LRRC4C: variants seen among roughly 807,000 people sequenced by gnomAD.
LRRC4C encodes the protein leucine rich repeat containing 4C.
LRRC4C carries 5 observed loss-of-function variants against 33.6 expected under a neutral mutation model. The observed-to-expected ratio is 0.15, with a 90% CI of 0.08 to 0.31. The LOEUF is 0.31. Among genes scored for constraint, LRRC4C ranks in the 10% least tolerant of loss-of-function variants. LRRC4C has a pLI of 1.00. For synonymous variants in LRRC4C, 329 were observed against 302.0 expected, an observed-to-expected ratio of 1.09 and a Z score of -0.93; for missense variants, 560 against 796.7, an observed-to-expected ratio of 0.70 and a Z score of 3.58.
chr11:40,637,899 C>G (rs1388869991), intron 3 of LRRC4C, among the ~76,000 whole-genome samples: 2 of 152,186 alleles, frequency 1.3e-5, no homozygotes, highest in African/African-American at 4.8e-5. Context: ...CTCCTTAATT[C>G]TAGGACTGGC....
chr11:41,422,702 C>T (rs1441628751), intron 1 of LRRC4C, among the ~76,000 whole-genome samples: 1 of 152,010 alleles, frequency 6.6e-6, no homozygotes, highest in Non-Finnish European at 1.5e-5. Flanking sequence ...TCTAAAACAT[C>T]TTAAGCAACA....
At chr11:40,327,381 C>T (rs766217008) in intron 3 of LRRC4C, among the ~76,000 whole-genome samples, 8 of 152,112 alleles carry the variant, frequency 5.3e-5, no homozygotes, top group African/African-American at 7.2e-5. Flanking sequence ...ATATTTATTT[C>T]GAATTCATTG....
intron 3 of LRRC4C, among the ~76,000 whole-genome samples, chr11:40,568,017 C>T (rs1197546289): frequency 6.6e-6 from 1 of 152,182 alleles, no homozygotes; most frequent in African/African-American, 2.4e-5. Flanking sequence ...CAGTGATTAC[C>T]ACTTCCTGAA....
chr11:40,352,498 T>A (rs1947457924), intron 3 of LRRC4C, among the ~76,000 whole-genome samples: 1 of 152,094 alleles, frequency 6.6e-6, no homozygotes, highest in Non-Finnish European at 1.5e-5. Flanking sequence ...TTAGGGTACA[T>A]GTGCACAATG....
intron 1 of LRRC4C, among the ~76,000 whole-genome samples, chr11:40,974,378 T>C (rs938981347): frequency 1.6e-4 from 25 of 152,338 alleles, no homozygotes; most frequent in African/African-American, 5.8e-4. Context: ...CTGATGCACC[T>C]TAACATTCAG....
At chr11:41,267,714 G>T (rs992017200) in intron 1 of LRRC4C, among the ~76,000 whole-genome samples, 1 of 152,070 alleles carries the variant, frequency 6.6e-6, no homozygotes, top group African/African-American at 2.4e-5. Context: ...TAGATTTCCA[G>T]ATCTCTCCTT....
intron 3 of LRRC4C, among the ~76,000 whole-genome samples, chr11:40,415,762 C>T (rs752816132): frequency 2.6e-4 from 40 of 152,104 alleles, no homozygotes; most frequent in Non-Finnish European, 4.9e-4. Flanking sequence ...CCCATAGTTC[C>T]TTTTCCTTTC....
At chr11:40,443,224 C>T (rs1381121946) in intron 3 of LRRC4C, among the ~76,000 whole-genome samples, 2 of 152,076 alleles carry the variant, frequency 1.3e-5, no homozygotes, top group Admixed American at 6.5e-5. Context: ...CCTTTTTGTC[C>T]TGGCACCATA....
chr11:40,897,756 C>T (rs1272956460), intron 2 of LRRC4C, among the ~76,000 whole-genome samples: 1 of 152,192 alleles, frequency 6.6e-6, no homozygotes, highest in Non-Finnish European at 1.5e-5. Flanking sequence ...GTTCTCTTAA[C>T]TGACTGACCT....
intron 1 of LRRC4C, among the ~76,000 whole-genome samples, chr11:41,456,251 G>A (rs984279113): frequency 6.6e-6 from 1 of 152,050 alleles, no homozygotes; most frequent in Admixed American, 6.6e-5. Context: ...TACAGCTCTA[G>A]GCTGTTGTAA....
intron 3 of LRRC4C, among the ~76,000 whole-genome samples, chr11:40,383,598 C>G (rs1948978874): frequency 6.6e-6 from 1 of 152,140 alleles, no homozygotes; most frequent in Non-Finnish European, 1.5e-5. Context: ...TTGCATTTCT[C>G]TGGTGATTGG....
intron 2 of LRRC4C, among the ~76,000 whole-genome samples, chr11:40,710,169 G>A (rs532975640): frequency 3.3e-5 from 5 of 152,208 alleles, no homozygotes; most frequent in East Asian, 3.9e-4. Context: ...TGTTATTACC[G>A]ACTTTCTGAA....
At chr11:41,358,846 A>G (rs540181361) in intron 1 of LRRC4C, among the ~76,000 whole-genome samples, 23 of 152,284 alleles carry the variant, frequency 1.5e-4, no homozygotes, top group Non-Finnish European at 2.1e-4. Flanking sequence ...CTCTTACCAT[A>G]TGATCCAACC....
At chr11:41,385,518 TTGGTCAA>T (rs1038467680) in intron 1 of LRRC4C, among the ~76,000 whole-genome samples, 6 of 151,606 alleles carry the variant, frequency 4.0e-5, no homozygotes, top group Non-Finnish European at 7.4e-5. Context: ...AAATAAGTTA[TTGGTCAA>T]GGAAGAAATA....
intron 3 of LRRC4C, among the ~76,000 whole-genome samples, chr11:40,590,658 T>C (rs1004046135): frequency 6.6e-6 from 1 of 150,436 alleles, no homozygotes; most frequent in African/African-American, 2.4e-5. Flanking sequence ...GGGTTTTTGG[T>C]GTGGATGTCC....
intron 3 of LRRC4C, among the ~76,000 whole-genome samples, chr11:40,385,816 G>A (rs1382520702): frequency 5.3e-5 from 8 of 150,982 alleles, no homozygotes; most frequent in Admixed American, 4.0e-4. Flanking sequence ...TCAGTGAGCC[G>A]AGATCGTGCC....
At chr11:40,629,636 T>A (rs1963279831) in intron 3 of LRRC4C, among the ~76,000 whole-genome samples, 1 of 152,178 alleles carries the variant, frequency 6.6e-6, no homozygotes, top group African/African-American at 2.4e-5. Flanking sequence ...TGTGTCACCA[T>A]AGCTTTGATT....
chr11:40,591,538 T>C (rs1190993340), intron 3 of LRRC4C, among the ~76,000 whole-genome samples: 1 of 152,246 alleles, frequency 6.6e-6, no homozygotes, highest in Admixed American at 6.5e-5. Context: ...ACGTGACAAC[T>C]TCTCAGGTGT....
intron 3 of LRRC4C, among the ~76,000 whole-genome samples, chr11:40,330,971 C>T (rs967026284): frequency 6.6e-6 from 1 of 152,174 alleles, no homozygotes; most frequent in Non-Finnish European, 1.5e-5. Context: ...GACTATTCTT[C>T]CCTTCCCCAT....
Sources: gnomAD v4.1 joint callset for allele counts (sites outside exome capture counted in the v4.1 genomes callset) on GRCh38, gnomAD v4.1.1 for gene constraint, MANE v1.5 for transcripts, NCBI Gene and HGNC (gene_info 2026-07-23, HGNC 2026-07-21) for gene names.